Variants in GOLGA4 observed in about 807,000 individuals in gnomAD.
GOLGA4 encodes the protein golgin A4.
Under a neutral mutation model 265.9 loss-of-function variants are expected in GOLGA4, and 169 were observed. The ratio of observed to expected loss-of-function variants is 0.64; its 90% CI spans 0.56 to 0.72. GOLGA4 has a LOEUF of 0.72. Among genes scored for constraint, GOLGA4 ranks in the 30% least tolerant of loss-of-function variants. GOLGA4 has a pLI of 0.00. For synonymous variants in GOLGA4, 923 were observed against 855.8 expected, an observed-to-expected ratio of 1.08 and a Z score of -1.37; for missense variants, 2,482 against 2,483.4, an observed-to-expected ratio of 1.00 and a Z score of 0.01.
intron 18 of GOLGA4, 92 bp from the exon 19 acceptor site, chr3:37,337,574 A>G (rs2151007678): frequency 1.2e-6 from 1 of 813,034 alleles, no homozygotes; most frequent in African/African-American, 1.7e-5. Context: ...AAAACTTAAA[A>G]AGACTAACAA....
chr3:37,324,192 A>G lies in GOLGA4; in HGVS notation c.2306A>G (p.Asp769Gly). 1 of 1,614,190 alleles carries G rather than the reference A, an allele frequency of 6.2e-7. No homozygotes were observed. The highest frequency in any genetic ancestry group is 1.1e-5 in the South Asian group (1 of 91,080). Reference protein sequence around the residue: ...NQLELLLKERDKHLKEHQAHV... With the variant: ...NQLELLLKERGKHLKEHQAHV... Reference sequence around the variant, plus strand: ...CTTGAGCTTCTCTTGAAGGAAAGGGACAAGCATTTGAAAGAGCATCAGGCT... The same window carrying G: ...CTTGAGCTTCTCTTGAAGGAAAGGGGCAAGCATTTGAAAGAGCATCAGGCT... The change falls in exon 14 of 24, where the codon GAC becomes GGC. Residue 769 changes from aspartate (D) to glycine (G), a missense_variant. By Grantham distance (94) the Asp-to-Gly change is moderately conservative (BLOSUM62 -1). Transcript: ENST00000361924.
intron 23 of GOLGA4, among the ~76,000 whole-genome samples, chr3:37,362,128 T>C (rs1266598157): frequency 2.6e-5 from 4 of 152,190 alleles, no homozygotes; most frequent in Non-Finnish European, 5.9e-5. Flanking sequence ...CAGTGATTGT[T>C]AATATCCAGC....
At chr3:37,364,784 G>T (rs902698605) in intron 23 of GOLGA4, among the ~76,000 whole-genome samples, 4 of 151,618 alleles carry the variant, frequency 2.6e-5, no homozygotes, top group Admixed American at 1.3e-4. Context: ...TAGATACAGG[G>T]TCTTGCCATG....
chr3:37,294,953 T>C (rs768923352), intron 5 of GOLGA4, 26 bp from the exon 6 acceptor site: 36 of 1,458,436 alleles, frequency 2.5e-5, no homozygotes, highest in Non-Finnish European at 3.3e-5. Context: ...TACTGAAAAT[T>C]ACCTGTAAAT....
rs144373648 is a variant in GOLGA4 at position 37,270,202 on chromosome 3, C to CTTT, written c.163-11737_163-11735dup. 6.6e-3 allele frequency among the ~76,000 whole-genome samples: 657 copies of CTTT among 99,856 alleles called. 29 individuals are homozygous for CTTT. Among genetic ancestry groups the CTTT allele is most frequent in the African/African-American group, 0.025 (602 of 23,746 alleles). 65.5% of individuals were successfully genotyped at this position (99,856 alleles called of 152,430 possible). A position where few individuals can be genotyped will look rare whatever the true frequency, so the allele number is the denominator to read the frequency against. On this transcript the variant is annotated intron_variant, in intron 2 of 23. Transcript: ENST00000361924. ...AGCCACTGAGCCCGGCCAGTTGTAG[C>CTTT]TTTTTTTTTTTTTTTTTTTTTGAGG...
Position 37,324,398 on chromosome 3 carries a change from C to T in GOLGA4, c.2512C>T (p.Leu838Phe). ...LLDLETERILLTKQVAEVEAQ... is the reference protein window; with the variant it reads ...LLDLETERILFTKQVAEVEAQ... Reference sequence around the variant, plus strand: ...GGATTTGGAAACAGAAAGAATTCTTCTTACCAAACAGGTTGCTGAAGTTGA... The same window carrying T: ...GGATTTGGAAACAGAAAGAATTCTTTTTACCAAACAGGTTGCTGAAGTTGA... The change falls in exon 14 of 24, where the codon CTT (leucine) becomes TTT (phenylalanine). Residue 838 changes from leucine (L) to phenylalanine (F), a missense_variant. Coordinates refer to ENST00000361924, the MANE Select transcript of GOLGA4 (RefSeq NM_002078.5). 2 of 1,614,138 alleles carry T rather than the reference C, an allele frequency of 1.2e-6. No individual in the cohort carries two copies. The highest frequency in any genetic ancestry group is 2.2e-5 in the East Asian group (1 of 44,890).
Position 37,366,447 on chromosome 3 carries a change from A to G in GOLGA4, c.*401A>G. 4.4e-6 allele frequency: 1 copy of G among 228,408 alleles called. No individual in the cohort carries two copies. The highest frequency in any genetic ancestry group is 8.4e-6 in the Non-Finnish European group (1 of 118,578). The allele number at this position is 228,408 out of a possible 1,614,324, so 14.1% of individuals were successfully genotyped here. ...GGTGATTTTTTAAAAAGACTTGTGC[A>G]ATACATTTTGAGGTGAAACTTAGTG... On this transcript the variant is annotated 3_prime_UTR_variant, in exon 24 of 24. Coordinates refer to ENST00000361924, the MANE Select transcript of GOLGA4 (RefSeq NM_002078.5).
intron 2 of GOLGA4, among the ~76,000 whole-genome samples, chr3:37,255,276 C>T (rs1000902716): frequency 2.6e-5 from 4 of 152,106 alleles, no homozygotes; most frequent in Admixed American, 6.6e-5. Context: ...TTCTCCCTGC[C>T]TCAACCTCCC....
intron 7 of GOLGA4, among the ~76,000 whole-genome samples, chr3:37,296,860 T>G (rs1180799002): frequency 1.3e-5 from 2 of 152,130 alleles, no homozygotes; most frequent in Non-Finnish European, 2.9e-5. Context: ...TGTGAGTCAC[T>G]GTGCCCAACC....
At position 37,296,166 on chromosome 3, in the gene GOLGA4, A is replaced by T; in HGVS notation, c.761A>T (p.Gln254Leu). 2 of 1,613,288 alleles carry T rather than the reference A, an allele frequency of 1.2e-6. No homozygotes were observed. Among genetic ancestry groups the T allele is most frequent in the Non-Finnish European group, 1.7e-6 (2 of 1,179,190 alleles). Residue 254 changes from glutamine to leucine, a missense_variant, in exon 7 of 24, where the codon CAG becomes CTG. This residue lies in a region of GOLGA4 where 1,536 missense variants were observed against 1,483.7 expected (regional missense o/e 1.04). Transcript: ENST00000361924. ...VLKPLPQLEP[Q>L]AEVFTKEENP... ...AAACCACTTCCTCAGCTGGAACCAC[A>T]GGCTGAAGTCTTCACTAAAGAAGAG...
Position 37,251,441 on chromosome 3 carries a change from C to G in GOLGA4, c.119C>G (p.Ser40Cys). The change falls in exon 2 of 24, where the codon TCT (serine) becomes TGT (cysteine). Residue 40 changes from serine to cysteine, a missense_variant. Ser to Cys is a moderately radical substitution (Grantham distance 112). Transcript: ENST00000361924. ...STPTRMRSRT[S>C]SFTEQLDEGT... The stretch of plus-strand genomic sequence containing the variant: ...CCAACAAGAATGAGGAGCAGGACAT[C>G]TTCATTTACAGAGCAACTTGATGAA... The G allele has an allele frequency of 6.2e-7, 1 of 1,613,112 alleles. No homozygotes were observed. Among genetic ancestry groups the G allele is most frequent in the South Asian group, 1.1e-5 (1 of 91,064 alleles).
In GOLGA4 at chr3:37,337,562, T is replaced by C. The variant is rs573259240; in HGVS notation, c.6328-104T>C. 5 of 748,132 alleles carry C rather than the reference T, an allele frequency of 6.7e-6. No homozygotes were observed. The East Asian group carries it at 1.0e-4, about 16-fold the overall frequency. The allele number at this position is 748,132 out of a possible 1,614,324, so 46.3% of individuals were successfully genotyped here. A position where few individuals can be genotyped will look rare whatever the true frequency, so the allele number is the denominator to read the frequency against. ...TTTTAGGGGTATTCAGTGTTATAAGTTAAAACTTAAAAAGACTAACAAAAA... is the reference window on the plus strand; with the variant it reads ...TTTTAGGGGTATTCAGTGTTATAAGCTAAAACTTAAAAAGACTAACAAAAA... On this transcript the variant is annotated intron_variant, in intron 18 of 23. Coordinates refer to ENST00000361924, the MANE Select transcript of GOLGA4 (RefSeq NM_002078.5).
intron 6 of GOLGA4, 98 bp downstream of exon 6, chr3:37,295,175 T>G (rs1375024371): frequency 6.5e-6 from 4 of 612,866 alleles, no homozygotes; most frequent in Non-Finnish European, 1.1e-5. Context: ...TTTTTTCTTT[T>G]TTAAGACCTA....
chr3:37,266,875 C>T (rs1293752765), intron 2 of GOLGA4: 1 of 1,288,160 alleles, frequency 7.8e-7, no homozygotes, highest in Non-Finnish European at 1.0e-6. Context: ...GCCTGCTTTT[C>T]TCTCTGAGTA....
chr3:37,306,174 G>A (rs985700688), intron 10 of GOLGA4, among the ~76,000 whole-genome samples: 8 of 152,158 alleles, frequency 5.3e-5, no homozygotes, highest in Non-Finnish European at 8.8e-5. Context: ...CTCCTCTCTA[G>A]TAGAAATGTT....
chr3:37,283,344 C>T (rs908552973), intron 3 of GOLGA4, among the ~76,000 whole-genome samples: 4 of 152,118 alleles, frequency 2.6e-5, no homozygotes, highest in Non-Finnish European at 5.9e-5. Flanking sequence ...TAGAATCAAG[C>T]ACCTTTTTCC....
At chr3:37,349,125 T>C (rs2097065583) in intron 21 of GOLGA4, among the ~76,000 whole-genome samples, 1 of 152,180 alleles carries the variant, frequency 6.6e-6, no homozygotes, top group Admixed American at 6.5e-5. Context: ...TCACATTTTA[T>C]AGGCAAATAG....
chr3:37,252,257 G>T (rs186232600), intron 2 of GOLGA4, among the ~76,000 whole-genome samples: 1 of 150,674 alleles, frequency 6.6e-6, no homozygotes, highest in Non-Finnish European at 1.5e-5. Flanking sequence ...TAGCACTGTC[G>T]TGCTCCCTTT....
intron 13 of GOLGA4, 105 bp from the exon 14 acceptor site, chr3:37,323,483 A>G (rs547110841): frequency 4.5e-5 from 30 of 664,036 alleles, no homozygotes; most frequent in African/African-American, 2.2e-4. Context: ...AGTGTTTGGT[A>G]TGATAATTTT....
Sources: allele counts gnomAD v4.1 joint callset (sites outside exome capture counted in the v4.1 genomes callset), GRCh38; gene constraint gnomAD v4.1.1; regional missense constraint gnomAD v4.1.1; transcripts MANE v1.5; gene names NCBI Gene and HGNC (gene_info 2026-07-23, HGNC 2026-07-21).